The following CFAP68 variants were observed in gnomAD, a reference collection of about 807,000 sequenced individuals.
CFAP68 encodes the protein cilia- and flagella-associated protein 68.
chr11:111,882,101 G>C, the CFAP68 span, among the ~76,000 whole-genome samples: 4 of 152,086 alleles, frequency 2.6e-5, no homozygotes, highest in Non-Finnish European at 5.9e-5. Flanking sequence ...ATTGTATTGG[G>C]AATACTGAAG....
the CFAP68 span, chr11:111,885,164 GAAAAGA>G: frequency 6.8e-6 from 1 of 147,512 alleles, no homozygotes; most frequent in Non-Finnish European, 1.5e-5. Context: ...AAAAAAAAAA[GAAAAGA>G]AAAAGAAAAA....
At chr11:111,884,112 G>C in the CFAP68 span, 5 of 384,738 alleles carry the variant, frequency 1.3e-5, no homozygotes, top group Non-Finnish European at 2.3e-5. Flanking sequence ...TTTTAACCAA[G>C]ATTTAAATGT....
At chr11:111,880,774 G>C in the CFAP68 span, 1 of 456,042 alleles carries the variant, frequency 2.2e-6, no homozygotes, top group Non-Finnish European at 4.4e-6. Flanking sequence ...ATTATTTCTT[G>C]TGTCTCTTGG....
chr11:111,883,885 G>T, the CFAP68 span: 1 of 1,559,738 alleles, frequency 6.4e-7, no homozygotes, highest in Non-Finnish European at 8.8e-7. Flanking sequence ...CCTTAAATTG[G>T]GCATCACTCA....
At chr11:111,882,236 C>T in the CFAP68 span, 2 of 724,682 alleles carry the variant, frequency 2.8e-6, no homozygotes, top group Non-Finnish European at 4.5e-6. Context: ...AGAAACAGAA[C>T]CATAACATAG....
At chr11:111,883,461 C>T in the CFAP68 span, among the ~76,000 whole-genome samples, 152 of 152,078 alleles carry the variant, frequency 1.0e-3, 1 homozygote, top group African/African-American at 3.5e-3. Context: ...GGCTTGGTGG[C>T]GCATGCCTGT....
the CFAP68 span, chr11:111,882,274 G>T: frequency 9.9e-7 from 1 of 1,011,474 alleles, no homozygotes. Context: ...GTGTGCTTGT[G>T]TTATACCTGG....
At chr11:111,883,708 C>T in the CFAP68 span, 11 of 1,154,044 alleles carry the variant, frequency 9.5e-6, no homozygotes, top group Non-Finnish European at 1.3e-5. Context: ...AGATCAGTTA[C>T]TAAAACTCCT....
At chr11:111,883,714 C>T in the CFAP68 span, 93 of 1,197,578 alleles carry the variant, frequency 7.8e-5, no homozygotes, top group African/African-American at 1.3e-3. Flanking sequence ...GTTACTAAAA[C>T]TCCTTAGTGT....
At chr11:111,881,695 A>G in the CFAP68 span, 2 of 1,416,652 alleles carry the variant, frequency 1.4e-6, no homozygotes, top group Non-Finnish European at 9.3e-7. Flanking sequence ...ACCAAAAAAA[A>G]TGAAATCAGA....
At chr11:111,883,456 G>A in the CFAP68 span, among the ~76,000 whole-genome samples, 2 of 152,086 alleles carry the variant, frequency 1.3e-5, no homozygotes, top group Admixed American at 1.3e-4. Context: ...AGCTGGGCTT[G>A]GTGGCGCATG....
the CFAP68 span, among the ~76,000 whole-genome samples, chr11:111,880,039 G>T: frequency 4.6e-5 from 7 of 152,298 alleles, no homozygotes; most frequent in South Asian, 1.4e-3. Flanking sequence ...CAGGGGCCAG[G>T]TCATAGGGAG....
At chr11:111,885,637 CTTAATT>C in the CFAP68 span, 3 of 152,196 alleles carry the variant, frequency 2.0e-5, no homozygotes, top group South Asian at 6.2e-4. Flanking sequence ...AATCAACAGT[CTTAATT>C]TTAATATGGT....
chr11:111,882,656 A>G, the CFAP68 span: 3,439 of 1,410,720 alleles, frequency 2.4e-3, 58 homozygotes, highest in South Asian at 0.027. Context: ...AAAGAAATGT[A>G]GTGGCCATTT....
At chr11:111,881,998 C>A in the CFAP68 span, among the ~76,000 whole-genome samples, 24 of 152,330 alleles carry the variant, frequency 1.6e-4, no homozygotes, top group African/African-American at 5.8e-4. Context: ...ACTCAACTCT[C>A]ACTTCTTTTT....
chr11:111,884,014 A>T, the CFAP68 span: 2 of 623,504 alleles, frequency 3.2e-6, no homozygotes, highest in African/African-American at 1.9e-5. Context: ...TACAGCTAAA[A>T]ATTTAGCTCA....
At chr11:111,883,156 AACATATGAT>A in the CFAP68 span, 1 of 1,580,472 alleles carries the variant, frequency 6.3e-7, no homozygotes, top group East Asian at 2.3e-5. Context: ...ACTTTGAAAC[AACATATGAT>A]ACAAGCTACA....
the CFAP68 span, chr11:111,885,689 G>A: frequency 6.6e-6 from 1 of 152,092 alleles, no homozygotes; most frequent in African/African-American, 2.4e-5. Context: ...TTTATCTACT[G>A]TGTAAGAAGA....
chr11:111,881,398 C>T, the CFAP68 span: 1 of 1,524,764 alleles, frequency 6.6e-7, no homozygotes, highest in Non-Finnish European at 8.8e-7. Flanking sequence ...GGCTTTGTTT[C>T]TGCCTGTGGA....
Sources: allele counts gnomAD v4.1 joint callset (sites outside exome capture counted in the v4.1 genomes callset), GRCh38; gene constraint gnomAD v4.1.1; transcripts MANE v1.5; gene names NCBI Gene and HGNC (gene_info 2026-07-23, HGNC 2026-07-21).